Variants in CIC observed in about 807,000 individuals in gnomAD.
The protein encoded by CIC is capicua transcriptional repressor, also known as protein capicua homolog.
CIC carries 18 observed loss-of-function variants against 115.7 expected under a neutral mutation model. That is an observed-to-expected ratio of 0.16 (90% CI 0.11 to 0.23). CIC has a LOEUF of 0.23. Ranked by LOEUF, CIC falls within the 10% of genes least tolerant of loss-of-function variation. CIC has a pLI of 1.00. For synonymous variants in CIC, 1,076 were observed against 923.0 expected (o/e 1.17, Z -3.01); for missense variants, 2,000 against 2,159.3 (o/e 0.93, Z 1.46).
rs779078508 is a variant in CIC at position 42,291,421 on chromosome 19, G to A, written c.5380G>A (p.Gly1794Ser). 1.7e-5 allele frequency: 27 copies of A among 1,612,842 alleles called. No individual in the cohort carries two copies. The Middle Eastern group carries it at 6.6e-4, about 39-fold the overall frequency. ...CCTGGCTGCCACTGCACCCACTCCT[G>A]GCATCCCCATCCTGCAGTCTGTACC... ...KVLAATAPTP[G>S]IPILQSVPSA... Residue 1794 changes from glycine to serine, a missense_variant, in exon 11 of 21, where the codon GGC becomes AGC. Physicochemically the swap from Gly to Ser is moderately conservative, Grantham distance 56 (BLOSUM62 0). Coordinates refer to ENST00000681038, the MANE Select transcript of CIC (RefSeq NM_001386298.1).
At position 42,273,522 on chromosome 19, in the gene CIC, G is replaced by A. The variant is rs1037971609; in HGVS notation, c.1739G>A (p.Arg580Gln). Residue 580 changes from arginine (R) to glutamine (Q), a missense_variant, in exon 2 of 21, where the codon CGG becomes CAG. Arg to Gln is a conservative substitution (Grantham distance 43, BLOSUM62 1). Transcript: ENST00000681038. Reference protein sequence around the residue: ...ASSVAARGDSRPRLVAPADLS... With the variant: ...ASSVAARGDSQPRLVAPADLS... The stretch of plus-strand genomic sequence containing the variant: ...AGTGTGGCGGCTCGTGGAGACTCAC[G>A]GCCACGCCTGGTGGCCCCTGCTGAC... The A allele has an allele frequency of 1.0e-5, 4 of 398,350 alleles. No individual in the cohort carries two copies. Among genetic ancestry groups the A allele is most frequent in the Non-Finnish European group, 1.8e-5 (4 of 225,984 alleles). 24.7% of individuals were successfully genotyped at this position (398,350 alleles called of 1,614,324 possible).
intron 7 of CIC, 48 bp from the exon 8 acceptor site, chr19:42,288,840 C>T (rs1320344837): frequency 5.8e-6 from 9 of 1,550,766 alleles, no homozygotes; most frequent in Non-Finnish European, 8.0e-6. Flanking sequence ...AGTCTAGGTG[C>T]TGGTGACAGG....
chr19:42,294,462 G>A (rs1484730821), intron 19 of CIC, 142 bp from the exon 20 acceptor site: 20 of 1,539,894 alleles, frequency 1.3e-5, no homozygotes, highest in Non-Finnish European at 1.8e-5. Flanking sequence ...AGGCCCCTAG[G>A]TTGCCCTGTG....
At chr19:42,271,218 A>G (rs764401531) in intron 1 of CIC, among the ~76,000 whole-genome samples, 3 of 152,222 alleles carry the variant, frequency 2.0e-5, no homozygotes, top group Non-Finnish European at 4.4e-5. Flanking sequence ...CCTCTGGATC[A>G]TGTGACAGGC....
intron 2 of CIC, among the ~76,000 whole-genome samples, chr19:42,285,289 G>T (rs532669743): frequency 2.0e-5 from 3 of 152,160 alleles, no homozygotes; most frequent in Non-Finnish European, 4.4e-5. Context: ...GCCCTCCATT[G>T]TCTGCTGGGT....
At position 42,292,825 on chromosome 19, in the gene CIC, C is replaced by T; in HGVS notation, c.6162C>T (p.Thr2054=). The T allele has an allele frequency of 2.5e-6, 4 of 1,613,900 alleles. No homozygotes were observed. Among genetic ancestry groups the T allele is most frequent in the African/African-American group, 1.3e-5 (1 of 75,038 alleles). Reference sequence around the variant, plus strand: ...GCCCGCCAGCCCCTGCCACTGCCACCCCAGCCCCGACTAGCCCTTTCCCCA... The same window carrying T: ...GCCCGCCAGCCCCTGCCACTGCCACTCCAGCCCCGACTAGCCCTTTCCCCA... ...PKGPPAPATA[T]PAPTSPFPSA... is the part of the protein sequence containing the mutation. The change falls in exon 15 of 21, where the codon ACC becomes ACT. Residue 2054 remains threonine, a synonymous_variant. Coordinates refer to ENST00000681038, the MANE Select transcript of CIC (RefSeq NM_001386298.1).
Position 42,295,104 on chromosome 19 carries a change from G to A in CIC, c.7467G>A (p.Glu2489=), listed in dbSNP as rs2038423049. The change falls in exon 21 of 21, where the codon GAG becomes GAA. Residue 2489 remains glutamate, a synonymous_variant. Coordinates refer to ENST00000681038, the MANE Select transcript of CIC (RefSeq NM_001386298.1). ...CCCCGCCACTGCCTCCACCCCCAGA[G>A]TCGGGGCCTGGACAGCCTGGCTGGG... ...QAAPPLPPPP[E]SGPGQPGWEG... The A allele has an allele frequency of 5.9e-6, 9 of 1,525,550 alleles. No homozygotes were observed. Among genetic ancestry groups the A allele is most frequent in the Non-Finnish European group, 7.9e-6 (9 of 1,142,058 alleles). 94.5% of individuals were successfully genotyped at this position (1,525,550 alleles called of 1,614,324 possible).
chr19:42,295,424 A>C lies in CIC; in HGVS notation c.*233A>C. On this transcript the variant is annotated 3_prime_UTR_variant, in exon 21 of 21. Coordinates refer to ENST00000681038, the MANE Select transcript of CIC (RefSeq NM_001386298.1). ...TCCCTCCTCCAAGCCCCTGTACATA[A>C]CCTGGAGCGTGTGACCTTCAGAGCT... 1.9e-6 allele frequency: 1 copy of C among 525,046 alleles called. No individual in the cohort carries two copies. The highest frequency in any genetic ancestry group is 3.4e-6 in the Non-Finnish European group (1 of 295,374). 32.5% of individuals were successfully genotyped at this position (525,046 alleles called of 1,614,324 possible).
At chr19:42,290,119 CAG>C (rs2037966471) in intron 10 of CIC, 112 bp from the exon 11 acceptor site, 1 of 1,510,618 alleles carries the variant, frequency 6.6e-7, no homozygotes, top group African/African-American at 1.4e-5. Flanking sequence ...CTTCAGCTGG[CAG>C]GGGTGCAGCC....
intron 2 of CIC, among the ~76,000 whole-genome samples, chr19:42,274,812 A>G (rs1019144125): frequency 2.0e-5 from 3 of 152,224 alleles, no homozygotes; most frequent in African/African-American, 4.8e-5. Flanking sequence ...CAAGAGGTCT[A>G]TCAGTCAGCA....
In CIC at chr19:42,287,076, G is replaced by C; in HGVS notation, c.3015G>C (p.Arg1005=). 4 of 1,612,880 alleles carry C rather than the reference G, an allele frequency of 2.5e-6. No homozygotes were observed. Among genetic ancestry groups the C allele is most frequent in the Non-Finnish European group, 3.4e-6 (4 of 1,179,972 alleles). Residue 1005 remains arginine (R), a synonymous_variant, in exon 4 of 21, where the codon CGG becomes CGC. Transcript: ENST00000681038. This position sits in a 1 kb window ranked among gnomAD's most constrained non-coding sequence, Gnocchi z 8.7. ...PGGTGSADPE[R]PPGATCPESP... is the part of the protein sequence containing the mutation. ...GGACAGGGAGTGCTGACCCTGAGCG[G>C]CCCCCTGGAGCCACATGCCCTGAGA...
intron 9 of CIC, 75 bp downstream of exon 9, chr19:42,289,481 C>A: frequency 6.8e-7 from 1 of 1,463,658 alleles, no homozygotes; most frequent in Non-Finnish European, 9.4e-7. Context: ...GAACTTGGAT[C>A]CAGGCCCCTA....
At chr19:42,289,480 T>C (rs2037914616) in intron 9 of CIC, 74 bp downstream of exon 9, 1 of 1,467,906 alleles carries the variant, frequency 6.8e-7, no homozygotes, top group African/African-American at 1.4e-5. Context: ...AGAACTTGGA[T>C]CCAGGCCCCT....
intron 1 of CIC, among the ~76,000 whole-genome samples, chr19:42,271,275 T>A (rs1187479873): frequency 1.3e-5 from 2 of 152,224 alleles, no homozygotes; most frequent in Admixed American, 6.5e-5. Context: ...CCAGAGAGCC[T>A]GGGTTCAGAC....
chr19:42,289,612 G>C (rs1466575940), intron 9 of CIC, among the ~76,000 whole-genome samples: 17 of 152,186 alleles, frequency 1.1e-4, no homozygotes, highest in African/African-American at 3.6e-4. Context: ...TGGAGGACAG[G>C]GGGCATGACC....
upstream of CIC, among the ~76,000 whole-genome samples, chr19:42,268,945 T>A (rs2036661316): frequency 6.6e-6 from 1 of 152,174 alleles, no homozygotes; most frequent in South Asian, 2.1e-4. Context: ...ACTGTATTTG[T>A]CATTTGGAAC....
intron 2 of CIC, among the ~76,000 whole-genome samples, chr19:42,276,503 G>T (rs1002728019): frequency 7.9e-5 from 12 of 152,106 alleles, no homozygotes; most frequent in African/African-American, 2.7e-4. Context: ...TCAGGAAGGA[G>T]CACTGGCCTG....
At chr19:42,292,918 G>A in intron 15 of CIC, 38 bp from the exon 16 acceptor site, 1 of 1,613,908 alleles carries the variant, frequency 6.2e-7, no homozygotes, top group African/African-American at 1.3e-5. Flanking sequence ...ATGGGCTCCA[G>A]TCAGGCCTGG....
In CIC at chr19:42,280,028, G is replaced by A. The variant is rs967573533; in HGVS notation, c.2794+5451G>A. 9 of 152,320 alleles carry A rather than the reference G, an allele frequency of 5.9e-5. No homozygotes were observed. The highest frequency in any genetic ancestry group is 1.9e-4 in the African/African-American group (8 of 41,444). The allele number at this position is 152,320 out of a possible 1,614,324, so 9.4% of individuals were successfully genotyped here. A position where few individuals can be genotyped will look rare whatever the true frequency, so the allele number is the denominator to read the frequency against. ...TACGTCCCGGAGCCCCCGGTGCCCG[G>A]GTATTAATGGCTCCATTAGTGGCCG... On this transcript the variant is annotated intron_variant, in intron 2 of 20. Coordinates refer to ENST00000681038, the MANE Select transcript of CIC (RefSeq NM_001386298.1). The surrounding 1 kb of genome is among the most constrained non-coding windows in gnomAD (Gnocchi z 4.9).
Sources: gnomAD v4.1 joint callset for allele counts (sites outside exome capture counted in the v4.1 genomes callset) on GRCh38, gnomAD v4.1.1 for gene constraint, Gnocchi (gnomAD v3.1) non-coding constraint, MANE v1.5 for transcripts, NCBI Gene and HGNC (gene_info 2026-07-23, HGNC 2026-07-21) for gene names.